CCDC141: variants seen among roughly 807,000 people sequenced by gnomAD.
CCDC141 encodes coiled-coil domain containing 141.
Under a neutral mutation model 181.0 loss-of-function variants are expected in CCDC141, and 168 were observed. The observed-to-expected ratio is 0.93, with a 90% CI of 0.82 to 1.05. CCDC141 has a LOEUF of 1.05. Ranked by LOEUF, CCDC141 falls within the 50% of genes least tolerant of loss-of-function variation. The pLI is 0.00. For synonymous variants in CCDC141, 666 were observed against 642.3 expected, an observed-to-expected ratio of 1.04 and a Z score of -0.56; for missense variants, 1,902 against 1,788.5, an observed-to-expected ratio of 1.06 and a Z score of -1.14.
intron 2 of CCDC141, among the ~76,000 whole-genome samples, chr2:179,040,474 A>G (rs1301961741): frequency 6.6e-6 from 1 of 152,188 alleles, no homozygotes; most frequent in Non-Finnish European, 1.5e-5. Flanking sequence ...AGATCATCCC[A>G]TCACCCAAGT....
At chr2:178,901,891 T>C (rs1051752923) in intron 8 of CCDC141, among the ~76,000 whole-genome samples, 4 of 152,294 alleles carry the variant, frequency 2.6e-5, no homozygotes, top group African/African-American at 9.6e-5. Context: ...CTTAAGCTGA[T>C]AAGCAACTTC....
At chr2:178,862,518 G>A (rs559548476) in intron 17 of CCDC141, among the ~76,000 whole-genome samples, 44 of 152,260 alleles carry the variant, frequency 2.9e-4, no homozygotes, top group Non-Finnish European at 5.0e-4. Flanking sequence ...ATGTAATATG[G>A]CAGAGAATAT....
chr2:178,988,120 C>T (rs1338085262), intron 2 of CCDC141, among the ~76,000 whole-genome samples: 4 of 152,002 alleles, frequency 2.6e-5, no homozygotes, highest in Non-Finnish European at 4.4e-5. Flanking sequence ...ACATATACAC[C>T]ATGGAATACT....
intron 19 of CCDC141, 29 bp downstream of exon 19, chr2:178,855,318 A>G: frequency 6.4e-7 from 1 of 1,571,494 alleles, no homozygotes; most frequent in Non-Finnish European, 8.6e-7. Flanking sequence ...CAACATTACA[A>G]CATGGATACC....
intron 8 of CCDC141, among the ~76,000 whole-genome samples, chr2:178,902,109 T>C (rs1309222299): frequency 6.6e-6 from 1 of 152,066 alleles, no homozygotes; most frequent in Admixed American, 6.6e-5. Context: ...TAAAAGAGTA[T>C]ACAAACAAAT....
chr2:178,974,828 C>A lies in CCDC141; in HGVS notation c.526+229G>T, dbSNP rs13019119. On this transcript the variant is annotated intron_variant, in intron 4 of 23. Coordinates refer to ENST00000443758, the MANE Select transcript of CCDC141 (RefSeq NM_173648.4). ...CCTCAGGAGCTAAACTCTAGCACAC[C>A]AAATAACAGAATCTCCTGGAGGCAT... Among the ~76,000 whole-genome samples the A allele has an allele frequency of 0.16, 24,768 of 152,006 alleles. 2,100 individuals are homozygous for A. The highest frequency in any genetic ancestry group is 0.2 in the Middle Eastern group (58 of 294).
chr2:178,837,740 T>C lies in CCDC141; in HGVS notation c.3479A>G (p.Gln1160Arg), dbSNP rs769350043. ...TIFNEERNKG[Q>R]VQVADLLGIN... ...GCCCAAAAGATCTGCCACCTGCACC[T>C]GCCCCTTGAAAAAAGAAAAGCCAAA... The change falls in exon 23 of 24, where the codon CAG becomes CGG. Residue 1160 changes from glutamine (Q) to arginine (R), a missense_variant. Physicochemically the swap from Gln to Arg is conservative, Grantham distance 43 (BLOSUM62 1). Transcript: ENST00000443758. 1.3e-6 allele frequency: 2 copies of C among 1,589,498 alleles called. No homozygotes were observed. The highest frequency in any genetic ancestry group is 3.8e-5 in the Admixed American group (2 of 53,092).
intron 4 of CCDC141, among the ~76,000 whole-genome samples, chr2:178,968,709 C>A (rs1254167556): frequency 3.3e-5 from 5 of 152,080 alleles, no homozygotes; most frequent in African/African-American, 1.2e-4. Context: ...AATTCAAAAT[C>A]TAGCAGAAGA....
intron 2 of CCDC141, among the ~76,000 whole-genome samples, chr2:179,000,460 A>T (rs1427287575): frequency 2.0e-5 from 3 of 152,192 alleles, no homozygotes; most frequent in Non-Finnish European, 2.9e-5. Context: ...TAAAATATTC[A>T]CCATCTGACC....
At chr2:179,021,314 A>G (rs989232101) in intron 2 of CCDC141, among the ~76,000 whole-genome samples, 3 of 152,196 alleles carry the variant, frequency 2.0e-5, no homozygotes, top group Admixed American at 6.5e-5. Flanking sequence ...TAGCTATGCA[A>G]ACCTAATTGC....
intron 8 of CCDC141, among the ~76,000 whole-genome samples, chr2:178,903,825 C>G (rs2154372784): frequency 6.6e-6 from 1 of 151,352 alleles, no homozygotes; most frequent in South Asian, 2.1e-4. Flanking sequence ...ATGCCGCAAG[C>G]AAAGAGTAGC....
intron 2 of CCDC141, among the ~76,000 whole-genome samples, chr2:179,026,284 C>T (rs1467252091): frequency 2.6e-5 from 4 of 152,200 alleles, no homozygotes; most frequent in Non-Finnish European, 2.9e-5. Context: ...GCCCAGGGTT[C>T]CTGTGCTGTG....
intron 2 of CCDC141, among the ~76,000 whole-genome samples, chr2:179,046,461 G>T (rs553903613): frequency 6.6e-6 from 1 of 152,212 alleles, no homozygotes; most frequent in South Asian, 2.1e-4. Context: ...CTCAGTGACC[G>T]TTGCCACCTC....
intron 8 of CCDC141, among the ~76,000 whole-genome samples, chr2:178,898,519 G>A (rs796889877): frequency 4.6e-5 from 7 of 152,266 alleles, no homozygotes; most frequent in African/African-American, 1.7e-4. Flanking sequence ...TAAAATTAAA[G>A]TGGTTATGTG....
At position 179,011,411 on chromosome 2, in the gene CCDC141, C is replaced by A. The variant is rs538195564; in HGVS notation, c.226-32736G>T. 4.1e-4 allele frequency among the ~76,000 whole-genome samples: 63 copies of A among 152,228 alleles called. 1 individual carries two copies. The South Asian group carries it at 4.2e-3, about 10-fold the overall frequency. On this transcript the variant is annotated intron_variant, in intron 2 of 23. Transcript: ENST00000443758. ...TATAATGGTAAAAGACCTTGTCCAA[C>A]AGAAAAATATCACAATTCTAAACAT...
intron 11 of CCDC141, among the ~76,000 whole-genome samples, chr2:178,879,455 T>C (rs989446423): frequency 6.6e-6 from 1 of 152,174 alleles, no homozygotes; most frequent in Admixed American, 6.5e-5. Flanking sequence ...TATACATGCC[T>C]CTATGTTTTG....
downstream of CCDC141, chr2:178,825,359 G>T (rs141514516): frequency 6.6e-6 from 1 of 152,074 alleles, no homozygotes; most frequent in Non-Finnish European, 1.5e-5. Flanking sequence ...TGACCAACTG[G>T]TAAATCATCC....
chr2:178,818,786 A>G, the CCDC141 span, among the ~76,000 whole-genome samples: 1 of 152,192 alleles, frequency 6.6e-6, no homozygotes, highest in South Asian at 2.1e-4. Flanking sequence ...TCTTTTGGGT[A>G]TATACCCAGT....
rs1685257420 is a variant in CCDC141 at position 178,853,559 on chromosome 2, G to A, written c.3126C>T (p.Cys1042=). The A allele has an allele frequency of 1.2e-6, 2 of 1,614,032 alleles. No individual in the cohort carries two copies. Among genetic ancestry groups the A allele is most frequent in the South Asian group, 2.2e-5 (2 of 91,072 alleles). ...GAATTTTCACAGCTTCCTTTGTCTT[G>A]CACTCTGTGGAATATTTTCCAACTC... The part of the protein sequence containing the change: ...VVRVGKYSTE[C]KTKEAVKILH... Residue 1042 remains cysteine, a synonymous_variant, in exon 20 of 24, where the codon TGC becomes TGT. Transcript: ENST00000443758.
Sources: allele counts gnomAD v4.1 joint callset (sites outside exome capture counted in the v4.1 genomes callset), GRCh38; gene constraint gnomAD v4.1.1; transcripts MANE v1.5; gene names NCBI Gene and HGNC (gene_info 2026-07-23, HGNC 2026-07-21).